ATM: variants seen among roughly 807,000 people sequenced by gnomAD.
ATM encodes ATM serine/threonine kinase.
ATM carries 308 observed loss-of-function variants against 387.0 expected under a neutral mutation model. That is an observed-to-expected ratio of 0.80 (90% CI 0.73 to 0.87). The LOEUF is 0.87. ATM is among the 40% of genes least tolerant of loss of function. The pLI is 0.00. For synonymous variants in ATM, 1,156 were observed against 1,187.3 expected (o/e 0.97, Z 0.54); for missense variants, 3,312 against 3,560.9 (o/e 0.93, Z 1.78).
At chr11:108,326,471 T>C (rs191071125) in intron 47 of ATM, among the ~76,000 whole-genome samples, 9 of 152,302 alleles carry the variant, frequency 5.9e-5, no homozygotes, top group Non-Finnish European at 7.3e-5. Flanking sequence ...ATTAAGCCTT[T>C]AACTTCCTAT....
At chr11:108,229,389 T>TC (rs2135041766) in intron 4 of ATM, 66 bp downstream of exon 4, 1 of 1,505,542 alleles carries the variant, frequency 6.6e-7, no homozygotes, top group Non-Finnish European at 9.1e-7. Context: ...TTTTTTTTTT[T>TC]TTTCAGATCA....
intron 35 of ATM, among the ~76,000 whole-genome samples, chr11:108,302,232 A>T (rs1250598960): frequency 1.3e-5 from 2 of 152,134 alleles, no homozygotes; most frequent in African/African-American, 4.8e-5. Flanking sequence ...TATCGTAATA[A>T]GGTTCCACTG....
intron 12 of ATM, 52 bp from the exon 13 acceptor site, chr11:108,253,762 G>A (rs935880857): frequency 8.0e-5 from 110 of 1,381,986 alleles, no homozygotes; most frequent in Admixed American, 1.0e-4. Flanking sequence ...ATACATATAA[G>A]GCAAAGCATT....
Position 108,366,010 on chromosome 11 carries a change from C to T in ATM, c.*502C>T. ...TGCCATTGCACTCCAGCCTGGGTGACAAGAGCGAAACTCCATCTCAAAAAA... is the reference window on the plus strand; with the variant it reads ...TGCCATTGCACTCCAGCCTGGGTGATAAGAGCGAAACTCCATCTCAAAAAA... On this transcript the variant is annotated 3_prime_UTR_variant, in exon 63 of 63. Transcript: ENST00000675843. 8.4e-6 allele frequency: 1 copy of T among 118,842 alleles called. No individual in the cohort carries two copies. Among genetic ancestry groups the T allele is most frequent in the East Asian group, 1.5e-4 (1 of 6,886 alleles). 7.4% of individuals were successfully genotyped at this position (118,842 alleles called of 1,614,324 possible). A position where few individuals can be genotyped will look rare whatever the true frequency, so the allele number is the denominator to read the frequency against.
chr11:108,259,077 T>C lies in ATM; in HGVS notation c.2466+2T>C. 6.2e-7 allele frequency: 1 copy of C among 1,607,250 alleles called. No homozygotes were observed. The highest frequency in any genetic ancestry group is 8.5e-7 in the Non-Finnish European group (1 of 1,174,802). Reference sequence around the variant, plus strand: ...ATTGCAGATATTTGTAAAAGTTTAGTAAGTATGCTTCCTGTTTTGCTATCA... The same window carrying C: ...ATTGCAGATATTTGTAAAAGTTTAGCAAGTATGCTTCCTGTTTTGCTATCA... On this transcript the variant is annotated splice_donor_variant, in intron 16 of 62. Transcript: ENST00000675843. LOFTEE classifies it high-confidence loss of function.
rs372569168 is a variant in ATM at position 108,268,549 on chromosome 11, A to G, written c.2778A>G (p.Lys926=). The change falls in exon 18 of 63, where the codon AAA becomes AAG. Residue 926 remains lysine, a synonymous_variant. Transcript: ENST00000675843. ...TTAGGGCAGCTGATATTCGGAGGAA[A>G]TTGTTAATGTTAATTGATTCTAGCA... The part of the protein sequence containing the change: ...VSFRAADIRR[K]LLMLIDSSTL... 20 of 1,613,962 alleles carry G rather than the reference A, an allele frequency of 1.2e-5. No homozygotes were observed. The African/African-American group carries it at 2.5e-4, about 20-fold the overall frequency.
At chr11:108,336,625 A>G (rs2086889637) in intron 56 of ATM, among the ~76,000 whole-genome samples, 2 of 152,244 alleles carry the variant, frequency 1.3e-5, no homozygotes, top group South Asian at 4.1e-4. Context: ...ATTGTAGTGA[A>G]TAACCTTGAA....
rs562522733 is a variant in ATM, at chr11:108,266,994, C to A, written c.2467-177C>A. On this transcript the variant is annotated intron_variant, in intron 16 of 62. Coordinates refer to ENST00000675843, the MANE Select transcript of ATM (RefSeq NM_000051.4). Reference sequence around the variant, plus strand: ...TATTTTAAATAGAGACAAGGTTTCACCATGTTGGCCAGGCTGGTTTCGAAC... The same window carrying A: ...TATTTTAAATAGAGACAAGGTTTCAACATGTTGGCCAGGCTGGTTTCGAAC... Among the ~76,000 whole-genome samples, 5 of 152,112 alleles carry A rather than the reference C, an allele frequency of 3.3e-5. No individual in the cohort carries two copies. The South Asian group carries it at 8.3e-4, about 25-fold the overall frequency.
At chr11:108,349,164 G>A (rs571000243) in intron 59 of ATM, among the ~76,000 whole-genome samples, 3 of 152,190 alleles carry the variant, frequency 2.0e-5, no homozygotes, top group African/African-American at 7.2e-5. Context: ...GATCTTGGAA[G>A]GCAAGAGGGG....
intron 5 of ATM, among the ~76,000 whole-genome samples, chr11:108,237,468 CT>C (rs148121053): frequency 1.4e-3 from 208 of 151,664 alleles, no homozygotes; most frequent in Admixed American, 4.1e-3. Context: ...ACTCTTACTT[CT>C]TTTTTTTTCT....
rs948741461 is a variant in ATM at position 108,279,469 on chromosome 11, T to G, written c.3285-22T>G. ...GAAAATTATTTCACTTTTTGTTTGT[T>G]TGTTTGCTTGCTTGTTTTAAGATTG... On this transcript the variant is annotated intron_variant, in intron 22 of 62. Transcript: ENST00000675843. 5.9e-6 allele frequency: 9 copies of G among 1,522,360 alleles called. No homozygotes were observed. In the African/African-American group the frequency reaches 1.2e-4, roughly 21 times the overall value. The allele number at this position is 1,522,360 out of a possible 1,614,324, so 94.3% of individuals were successfully genotyped here. A position where few individuals can be genotyped will look rare whatever the true frequency, so the allele number is the denominator to read the frequency against.
At chr11:108,343,510 C>T in intron 57 of ATM, 139 bp downstream of exon 57, 1 of 1,024,918 alleles carries the variant, frequency 9.8e-7, no homozygotes, top group Non-Finnish European at 1.4e-6. Flanking sequence ...AAAAGAAAAA[C>T]TCATCAGAAT....
At chr11:108,258,748 T>C (rs1019038462) in intron 15 of ATM, among the ~76,000 whole-genome samples, 2 of 152,222 alleles carry the variant, frequency 1.3e-5, no homozygotes, top group African/African-American at 2.4e-5. Context: ...CCTATAATTA[T>C]AGCTCACTTA....
At chr11:108,335,163 T>C in intron 55 of ATM, 54 bp downstream of exon 55, 1 of 1,611,780 alleles carries the variant, frequency 6.2e-7, no homozygotes, top group Non-Finnish European at 8.5e-7. Context: ...TGAAAATTTT[T>C]AGTTCATATT....
rs750490644 is a variant in ATM at position 108,279,459 on chromosome 11, T to TTTTG, written c.3285-19_3285-16dup. ...TTTGAAATTAGAAAATTATTTCACT[T>TTTTG]TTTGTTTGTTTGTTTGCTTGCTTGT... On this transcript the variant is annotated intron_variant, in intron 22 of 62. Coordinates refer to ENST00000675843, the MANE Select transcript of ATM (RefSeq NM_000051.4). 5.4e-6 allele frequency: 8 copies of TTTTG among 1,468,636 alleles called. No homozygotes were observed. The highest frequency in any genetic ancestry group is 4.7e-5 in the East Asian group (2 of 42,184). 91.0% of individuals were successfully genotyped at this position (1,468,636 alleles called of 1,614,324 possible).
rs1377737194 is a variant in ATM, at chr11:108,347,488, T to G, written c.8671+123T>G. The G allele has an allele frequency of 4.9e-6, 4 of 814,410 alleles. No individual in the cohort carries two copies. In the East Asian group the frequency reaches 8.1e-5, roughly 17 times the overall value. 50.4% of individuals were successfully genotyped at this position (814,410 alleles called of 1,614,324 possible). ...ATAAATTGAAGCAGTAAATATTGGG[T>G]TTTTTTGTTTTCAGCATAAACAGTT... is the stretch of plus-strand genomic sequence containing the variant. On this transcript the variant is annotated intron_variant, in intron 59 of 62. Coordinates refer to ENST00000675843, the MANE Select transcript of ATM (RefSeq NM_000051.4).
intron 43 of ATM, among the ~76,000 whole-genome samples, chr11:108,318,439 C>T (rs2084938362): frequency 1.3e-5 from 2 of 151,950 alleles, no homozygotes; most frequent in African/African-American, 4.8e-5. Flanking sequence ...ACCTGTAATC[C>T]CAGCACTTGG....
At chr11:108,254,337 C>T (rs1176212939) in intron 13 of ATM, among the ~76,000 whole-genome samples, 1 of 151,856 alleles carries the variant, frequency 6.6e-6, no homozygotes. Context: ...TGAAAAAAAC[C>T]TCTAAATACA....
chr11:108,334,630 A>G (rs949196825), intron 54 of ATM, among the ~76,000 whole-genome samples: 6 of 152,212 alleles, frequency 3.9e-5, no homozygotes, highest in East Asian at 1.9e-4. Context: ...TTTTCTAGCT[A>G]TATCAGCTAG....
Sources: gnomAD v4.1 joint callset for allele counts (sites outside exome capture counted in the v4.1 genomes callset) on GRCh38, gnomAD v4.1.1 for gene constraint, MANE v1.5 for transcripts, NCBI Gene and HGNC (gene_info 2026-07-23, HGNC 2026-07-21) for gene names.